Variants in RNF168 observed in about 807,000 individuals in gnomAD.
RNF168 encodes ring finger protein 168, also known as E3 ubiquitin-protein ligase RNF168.
In RNF168, 34 loss-of-function variants were observed where a neutral mutation model predicts 34.9. The ratio of observed to expected loss-of-function variants is 0.97; its 90% CI spans 0.74 to 1.30. The LOEUF is 1.30. RNF168 is among the 50% of genes most tolerant of loss of function. The pLI, the probability that RNF168 is intolerant of heterozygous loss-of-function variation, is 0.00. For synonymous variants in RNF168, 264 were observed against 254.7 expected (o/e 1.04, Z -0.35); for missense variants, 725 against 682.5 (o/e 1.06, Z -0.69).
chr3:196,501,354 A>G (rs1732880201), intron 1 of RNF168, among the ~76,000 whole-genome samples: 1 of 152,256 alleles, frequency 6.6e-6, no homozygotes, highest in Non-Finnish European at 1.5e-5. Flanking sequence ...AACAAAATGT[A>G]ACAAGTATAT....
chr3:196,497,064 T>C (rs9856006), intron 1 of RNF168, among the ~76,000 whole-genome samples: 42,208 of 151,820 alleles, frequency 0.28, 6,747 homozygotes, highest in East Asian at 0.69. Flanking sequence ...GAGAACTGCT[T>C]GAACCTGGGA....
Position 196,478,524 on chromosome 3 carries a change from G to A in RNF168, c.681-3212C>T, listed in dbSNP as rs368271514. On this transcript the variant is annotated intron_variant, in intron 4 of 5. Transcript: ENST00000318037. The stretch of plus-strand genomic sequence containing the variant: ...AGTCGCTCTCGGCCTACTCTGGCTC[G>A]AGAGGCTGCCCAATTTGTGAATTGT... Among the ~76,000 whole-genome samples, 100 of 152,242 alleles carry A rather than the reference G, an allele frequency of 6.6e-4. 4 individuals are homozygous for A. In the South Asian group the frequency reaches 0.017, roughly 26 times the overall value.
chr3:196,490,531 C>A (rs1040267559), intron 1 of RNF168, among the ~76,000 whole-genome samples: 1 of 151,986 alleles, frequency 6.6e-6, no homozygotes, highest in Admixed American at 6.6e-5. Context: ...CCCTAAAGAG[C>A]CCTGACTTCG....
At chr3:196,480,439 T>A (rs1003824461) in intron 4 of RNF168, among the ~76,000 whole-genome samples, 10 of 152,236 alleles carry the variant, frequency 6.6e-5, no homozygotes, top group Admixed American at 1.3e-4. Flanking sequence ...CACTTTTGCA[T>A]CTCTAAACAC....
At chr3:196,500,033 G>C (rs1268602519) in intron 1 of RNF168, among the ~76,000 whole-genome samples, 1 of 152,140 alleles carries the variant, frequency 6.6e-6, no homozygotes, top group East Asian at 1.9e-4. Flanking sequence ...AGAGAAACTG[G>C]ACACCCACGC....
intron 1 of RNF168, among the ~76,000 whole-genome samples, chr3:196,493,120 A>G (rs1032248003): frequency 6.6e-6 from 1 of 152,246 alleles, no homozygotes; most frequent in Non-Finnish European, 1.5e-5. Context: ...TCACCAGAGA[A>G]TTAGTGTCCA....
intron 3 of RNF168, among the ~76,000 whole-genome samples, chr3:196,485,489 C>CA (rs63692263): frequency 3.3e-4 from 48 of 145,546 alleles, no homozygotes; most frequent in East Asian, 1.5e-3. Context: ...ACTCTTGTCT[C>CA]AAAAAAAAAA....
chr3:196,485,515 A>G (rs1379628603), intron 3 of RNF168, among the ~76,000 whole-genome samples: 1 of 151,890 alleles, frequency 6.6e-6, no homozygotes, highest in Non-Finnish European at 1.5e-5. Flanking sequence ...TAAAAAAATT[A>G]TTCTACAGTA....
intron 1 of RNF168, among the ~76,000 whole-genome samples, chr3:196,491,964 C>T (rs1377806534): frequency 6.6e-6 from 1 of 152,000 alleles, no homozygotes; most frequent in African/African-American, 2.4e-5. Flanking sequence ...GAATGGAGGT[C>T]GCCAGCAGCC....
chr3:196,494,829 C>T (rs1356460213), intron 1 of RNF168, among the ~76,000 whole-genome samples: 2 of 152,040 alleles, frequency 1.3e-5, no homozygotes, highest in Non-Finnish European at 2.9e-5. Context: ...TCAAGACCAG[C>T]CTCGGTAACA....
At chr3:196,482,961 T>C (rs919969066) in intron 4 of RNF168, among the ~76,000 whole-genome samples, 1 of 152,262 alleles carries the variant, frequency 6.6e-6, no homozygotes, top group African/African-American at 2.4e-5. Flanking sequence ...TCAAAGTATA[T>C]ATTTAGATAT....
At chr3:196,496,046 T>C (rs1052360244) in intron 1 of RNF168, among the ~76,000 whole-genome samples, 1 of 152,244 alleles carries the variant, frequency 6.6e-6, no homozygotes, top group Non-Finnish European at 1.5e-5. Context: ...TTATGTATTA[T>C]GTGTTAACAA....
intron 5 of RNF168, chr3:196,474,926 A>T: frequency 2.8e-6 from 1 of 354,454 alleles, no homozygotes; most frequent in Non-Finnish European, 5.4e-6. Context: ...TTTACATATT[A>T]TCTATAGATG....
chr3:196,479,750 T>C (rs967271643), intron 4 of RNF168, among the ~76,000 whole-genome samples: 1 of 151,594 alleles, frequency 6.6e-6, no homozygotes, highest in East Asian at 1.9e-4. Context: ...CCACCACGCC[T>C]GGCTAATTTT....
intron 4 of RNF168, among the ~76,000 whole-genome samples, chr3:196,481,212 A>G (rs1240309588): frequency 6.6e-6 from 1 of 152,182 alleles, no homozygotes; most frequent in African/African-American, 2.4e-5. Flanking sequence ...TGTGCAGACT[A>G]AACTCTCCAG....
At chr3:196,492,817 C>A (rs1471867505) in intron 1 of RNF168, among the ~76,000 whole-genome samples, 1 of 150,746 alleles carries the variant, frequency 6.6e-6, no homozygotes, top group Non-Finnish European at 1.5e-5. Flanking sequence ...AAATAAATAG[C>A]CCCAAATTGC....
rs191114958 is a variant in RNF168 at position 196,481,001 on chromosome 3, G to C, written c.680+2769C>G. On this transcript the variant is annotated intron_variant, in intron 4 of 5. Coordinates refer to ENST00000318037, the MANE Select transcript of RNF168 (RefSeq NM_152617.4). Reference sequence around the variant, plus strand: ...TTATTTTCTGATACTACTATCGACAGAGTATTTTTAAAGTTACATTTTACA... The same window carrying C: ...TTATTTTCTGATACTACTATCGACACAGTATTTTTAAAGTTACATTTTACA... Among the ~76,000 whole-genome samples, 228 of 152,236 alleles carry C rather than the reference G, an allele frequency of 1.5e-3. 2 individuals are homozygous for C. The highest frequency in any genetic ancestry group is 3.5e-3 in the Admixed American group (53 of 15,278).
intron 4 of RNF168, among the ~76,000 whole-genome samples, chr3:196,479,086 C>T (rs1212957879): frequency 5.9e-5 from 9 of 151,376 alleles, no homozygotes; most frequent in African/African-American, 2.2e-4. Flanking sequence ...TCTCAGCTCA[C>T]TGCAACCTCC....
chr3:196,478,722 A>G (rs2108646645), intron 4 of RNF168, among the ~76,000 whole-genome samples: 1 of 152,048 alleles, frequency 6.6e-6, no homozygotes, highest in African/African-American at 2.4e-5. Context: ...ACTGAAGTAC[A>G]ATGGCACAAT....
Sources: allele counts gnomAD v4.1 joint callset (sites outside exome capture counted in the v4.1 genomes callset), GRCh38; gene constraint gnomAD v4.1.1; transcripts MANE v1.5; gene names NCBI Gene and HGNC (gene_info 2026-07-23, HGNC 2026-07-21).